The following TOX variants were observed in gnomAD, a reference collection of about 807,000 sequenced individuals.
The protein encoded by TOX is thymocyte selection associated high mobility group box.
A neutral mutation model predicts 53.7 loss-of-function variants in TOX; 11 were observed. That is an observed-to-expected ratio of 0.20 (90% CI 0.13 to 0.34). TOX has a LOEUF of 0.34. TOX is among the 10% of genes least tolerant of loss of function. The pLI is 1.00. For synonymous variants in TOX, 225 were observed against 245.3 expected (o/e 0.92, Z 0.77); for missense variants, 570 against 664.6 (o/e 0.86, Z 1.56).
chr8:59,078,542 C>T (rs981314988), intron 1 of TOX, among the ~76,000 whole-genome samples: 2 of 152,190 alleles, frequency 1.3e-5, no homozygotes, highest in African/African-American at 4.8e-5. Context: ...TGTAAGCTTC[C>T]TGAGGTCCTT....
intron 1 of TOX, among the ~76,000 whole-genome samples, chr8:59,115,533 G>C (rs923759758): frequency 6.6e-5 from 10 of 152,160 alleles, no homozygotes; most frequent in African/African-American, 2.4e-4. Context: ...TATTTTGGTA[G>C]CATTCAGCTC....
At chr8:59,049,126 G>A (rs2129421197) in intron 1 of TOX, among the ~76,000 whole-genome samples, 1 of 145,552 alleles carries the variant, frequency 6.9e-6, no homozygotes, top group Middle Eastern at 3.4e-3. Flanking sequence ...CAAACAGCTG[G>A]TGATATAAGA....
At chr8:59,087,453 C>T (rs958775050) in intron 1 of TOX, among the ~76,000 whole-genome samples, 23 of 152,184 alleles carry the variant, frequency 1.5e-4, no homozygotes, top group African/African-American at 4.3e-4. Flanking sequence ...ATAAATATTC[C>T]TTTTATTGTG....
chr8:58,975,115 A>C (rs946424428), intron 1 of TOX, among the ~76,000 whole-genome samples: 21 of 151,956 alleles, frequency 1.4e-4, no homozygotes, highest in Non-Finnish European at 2.4e-4. Flanking sequence ...ATTATAATTT[A>C]TGTTTACCTA....
chr8:59,056,204 T>C (rs973893137), intron 1 of TOX, among the ~76,000 whole-genome samples: 5 of 151,836 alleles, frequency 3.3e-5, no homozygotes, highest in East Asian at 1.9e-4. Flanking sequence ...GGTGGGAGAA[T>C]TGCTTGAGCC....
intron 1 of TOX, among the ~76,000 whole-genome samples, chr8:59,111,025 A>G (rs2129424941): frequency 6.6e-6 from 1 of 152,294 alleles, no homozygotes; most frequent in East Asian, 1.9e-4. Context: ...CTTCTTTGAT[A>G]CAAATATATT....
At chr8:58,968,123 C>T (rs1268070761) in intron 1 of TOX, among the ~76,000 whole-genome samples, 1 of 152,174 alleles carries the variant, frequency 6.6e-6, no homozygotes, top group African/African-American at 2.4e-5. Context: ...TAGAAAACTT[C>T]ATTAACCCTA....
intron 1 of TOX, among the ~76,000 whole-genome samples, chr8:58,994,360 C>A (rs947355123): frequency 2.4e-4 from 36 of 150,934 alleles, no homozygotes; most frequent in Non-Finnish European, 5.0e-4. Flanking sequence ...GGTCATATAT[C>A]CCTATTTAGT....
chr8:59,105,752 A>G (rs1224683148), intron 1 of TOX, among the ~76,000 whole-genome samples: 1 of 152,214 alleles, frequency 6.6e-6, no homozygotes, highest in Non-Finnish European at 1.5e-5. Context: ...CACCTATTCA[A>G]AATGACATTA....
At chr8:58,841,601 C>T (rs1810643463) in intron 4 of TOX, among the ~76,000 whole-genome samples, 1 of 152,088 alleles carries the variant, frequency 6.6e-6, no homozygotes, top group Non-Finnish European at 1.5e-5. Flanking sequence ...AGCACAATGA[C>T]TATAGTTAGT....
At chr8:58,832,788 A>G (rs1230844877) in intron 5 of TOX, among the ~76,000 whole-genome samples, 4 of 152,210 alleles carry the variant, frequency 2.6e-5, no homozygotes, top group African/African-American at 9.6e-5. Context: ...CTGCCCTTAT[A>G]TAAACACATT....
intron 1 of TOX, among the ~76,000 whole-genome samples, chr8:59,071,530 G>A (rs1159513759): frequency 2.0e-5 from 3 of 152,146 alleles, no homozygotes; most frequent in African/African-American, 7.2e-5. Context: ...AAGGAATAAA[G>A]AATTTCTAGA....
chr8:59,091,260 C>CA (rs893871315), intron 1 of TOX, among the ~76,000 whole-genome samples: 2 of 152,148 alleles, frequency 1.3e-5, no homozygotes, highest in Non-Finnish European at 2.9e-5. Context: ...CAATAATGTC[C>CA]ATAGTGACAA....
intron 1 of TOX, among the ~76,000 whole-genome samples, chr8:58,968,922 CTT>C: frequency 6.6e-6 from 1 of 152,074 alleles, no homozygotes; most frequent in Non-Finnish European, 1.5e-5. Flanking sequence ...AACGGTAAAA[CTT>C]TTTTAAAAAA....
intron 1 of TOX, among the ~76,000 whole-genome samples, chr8:59,014,796 A>C (rs1813978595): frequency 6.6e-6 from 1 of 152,214 alleles, no homozygotes; most frequent in African/African-American, 2.4e-5. Flanking sequence ...AATGGAATGG[A>C]GGAATGGTAT....
chr8:59,104,111 C>T (rs953393242), intron 1 of TOX, among the ~76,000 whole-genome samples: 13 of 152,162 alleles, frequency 8.5e-5, no homozygotes, highest in Admixed American at 4.6e-4. Flanking sequence ...CATGTGAGTC[C>T]GCCCAGGGAA....
intron 1 of TOX, among the ~76,000 whole-genome samples, chr8:58,964,254 T>C (rs113304358): frequency 6.6e-6 from 1 of 152,190 alleles, no homozygotes; most frequent in African/African-American, 2.4e-5. Context: ...AAATAAAATG[T>C]GTATGCCCTC....
intron 1 of TOX, among the ~76,000 whole-genome samples, chr8:59,002,289 T>A (rs1202922845): frequency 2.1e-5 from 3 of 141,528 alleles, no homozygotes; most frequent in Non-Finnish European, 3.1e-5. Flanking sequence ...TACTTTTCTT[T>A]AAAAAAAAAA....
Position 58,851,989 on chromosome 8 carries a change from T to C in TOX, c.412-184A>G, listed in dbSNP as rs192550517. ...TAAAAGTATATATCACCATAAAGGA[T>C]AGCATAAGACTACCAAAAGACTGGA... On this transcript the variant is annotated intron_variant, in intron 3 of 8. Transcript: ENST00000361421. This position sits in a 1 kb window ranked among gnomAD's most constrained non-coding sequence, Gnocchi z 4.4. 1.6e-4 allele frequency among the ~76,000 whole-genome samples: 25 copies of C among 152,146 alleles called. No homozygotes were observed. In the East Asian group the frequency reaches 3.9e-3, roughly 23 times the overall value.
Sources: gnomAD v4.1 joint callset for allele counts (sites outside exome capture counted in the v4.1 genomes callset) on GRCh38, gnomAD v4.1.1 for gene constraint, Gnocchi (gnomAD v3.1) non-coding constraint, MANE v1.5 for transcripts, NCBI Gene and HGNC (gene_info 2026-07-23, HGNC 2026-07-21) for gene names.